Variants in STAU2 observed in about 807,000 individuals in gnomAD.
The protein encoded by STAU2 is double-stranded RNA-binding protein Staufen homolog 2.
A neutral mutation model predicts 65.9 loss-of-function variants in STAU2; 20 were observed. That is an observed-to-expected ratio of 0.30 (90% CI 0.21 to 0.44). The LOEUF is 0.44. Ranked by LOEUF, STAU2 falls within the 20% of genes least tolerant of loss-of-function variation. STAU2 has a pLI of 1.00. For synonymous variants in STAU2, 232 were observed against 233.9 expected (o/e 0.99, Z 0.07); for missense variants, 558 against 683.9 (o/e 0.82, Z 2.05).
intron 13 of STAU2, among the ~76,000 whole-genome samples, chr8:73,514,933 CTTAGCATCTAGTACAGT>C (rs1352759392): frequency 6.6e-6 from 1 of 152,128 alleles, no homozygotes; most frequent in African/African-American, 2.4e-5. Flanking sequence ...GAAGATACTT[CTTAGCATCTAGTACAGT>C]GGTGGACATG....
At chr8:73,561,627 C>T (rs1808239829) in intron 12 of STAU2, 2 of 438,884 alleles carry the variant, frequency 4.6e-6, no homozygotes, top group African/African-American at 4.1e-5. Flanking sequence ...GAAACACATA[C>T]TGAAATGTCT....
At chr8:73,502,828 T>C (rs1821841058) in intron 13 of STAU2, among the ~76,000 whole-genome samples, 1 of 152,096 alleles carries the variant, frequency 6.6e-6, no homozygotes, top group African/African-American at 2.4e-5. Context: ...CCATTTTTTA[T>C]ACACATTTTA....
intron 13 of STAU2, among the ~76,000 whole-genome samples, chr8:73,545,575 T>C (rs539658456): frequency 2.0e-5 from 3 of 151,954 alleles, no homozygotes; most frequent in South Asian, 4.2e-4. Context: ...TGTGTTTACA[T>C]ATAAAATTTT....
At chr8:73,682,889 T>C (rs1174629676) in intron 5 of STAU2, among the ~76,000 whole-genome samples, 1 of 151,930 alleles carries the variant, frequency 6.6e-6, no homozygotes, top group Non-Finnish European at 1.5e-5. Context: ...TTCCTGGAAA[T>C]ATACAACCCT....
intron 13 of STAU2, among the ~76,000 whole-genome samples, chr8:73,431,407 C>G (rs1165550836): frequency 6.6e-6 from 1 of 152,138 alleles, no homozygotes; most frequent in African/African-American, 2.4e-5. Context: ...ATGTAGCTTC[C>G]TTTGAAGGAG....
At chr8:73,569,609 G>A (rs1169980159) in intron 12 of STAU2, among the ~76,000 whole-genome samples, 5 of 151,604 alleles carry the variant, frequency 3.3e-5, no homozygotes, top group Non-Finnish European at 5.9e-5. Context: ...CTGAGACGAC[G>A]CTTCCACAGG....
chr8:73,631,214 G>T (rs1020583365), intron 6 of STAU2, among the ~76,000 whole-genome samples: 2 of 151,974 alleles, frequency 1.3e-5, no homozygotes, highest in African/African-American at 4.8e-5. Flanking sequence ...AATTATCTGG[G>T]CATGGTGGTA....
chr8:73,665,569 G>A (rs945980148), intron 6 of STAU2, among the ~76,000 whole-genome samples: 12 of 152,096 alleles, frequency 7.9e-5, no homozygotes, highest in African/African-American at 1.2e-4. Context: ...AGTTTCATAC[G>A]GTTTAACCTC....
intron 13 of STAU2, among the ~76,000 whole-genome samples, chr8:73,471,870 G>C (rs1397969321): frequency 7.3e-6 from 1 of 136,990 alleles, no homozygotes; most frequent in Non-Finnish European, 1.6e-5. Flanking sequence ...GGAGAAGAAA[G>C]AAATTCACGT....
intron 13 of STAU2, among the ~76,000 whole-genome samples, chr8:73,435,102 CT>C (rs957995387): frequency 9.9e-5 from 15 of 151,972 alleles, no homozygotes; most frequent in South Asian, 6.2e-4. Flanking sequence ...GATGCCCCCC[CT>C]GGACCTTCTG....
At chr8:73,687,536 A>G (rs1819016984) in intron 5 of STAU2, among the ~76,000 whole-genome samples, 1 of 142,364 alleles carries the variant, frequency 7.0e-6, no homozygotes, top group Admixed American at 7.2e-5. Flanking sequence ...TAAACTATAT[A>G]TTTAAAAAGA....
In STAU2 at chr8:73,510,909, C is replaced by T. The variant is rs981924695; in HGVS notation, c.1530+41103G>A. ...GATTTACACAATTGATATTTAGAAG[C>T]TCTTCAAATCTATTTGTAAATTTAA... On this transcript the variant is annotated intron_variant, in intron 13 of 14. Coordinates refer to ENST00000524300, the MANE Select transcript of STAU2 (RefSeq NM_001164380.2). 7.2e-5 allele frequency among the ~76,000 whole-genome samples: 11 copies of T among 152,230 alleles called. No homozygotes were observed. In the South Asian group the frequency reaches 2.3e-3, roughly 32 times the overall value.
At chr8:73,607,512 C>G (rs1812110597) in intron 9 of STAU2, among the ~76,000 whole-genome samples, 1 of 151,782 alleles carries the variant, frequency 6.6e-6, no homozygotes, top group Non-Finnish European at 1.5e-5. Context: ...GGCAGATCAC[C>G]TGAGGTCGGG....
intron 13 of STAU2, chr8:73,439,259 A>T (rs1817944653): frequency 2.9e-6 from 1 of 350,188 alleles, no homozygotes; most frequent in Non-Finnish European, 5.6e-6. Flanking sequence ...ATTGCATGCA[A>T]AAGTCAAGCA....
intron 13 of STAU2, among the ~76,000 whole-genome samples, chr8:73,474,800 C>G (rs1321632384): frequency 6.6e-6 from 1 of 152,178 alleles, no homozygotes; most frequent in African/African-American, 2.4e-5. Flanking sequence ...GGGCCAGTCT[C>G]CTCAATAGAA....
rs1554594408 is a variant in STAU2, at chr8:73,471,817, T to TGAAAAAAA, written c.1531-49116_1531-49115insTTTTTTTC. Among the ~76,000 whole-genome samples the TGAAAAAAA allele has an allele frequency of 5.9e-4, 51 of 86,816 alleles. 1 individual carries two copies. In the East Asian group the frequency reaches 0.015, roughly 25 times the overall value. The allele number at this position is 86,816 out of a possible 152,430, so 57.0% of individuals were successfully genotyped here. A position where few individuals can be genotyped will look rare whatever the true frequency, so the allele number is the denominator to read the frequency against. On this transcript the variant is annotated intron_variant, in intron 13 of 14. Transcript: ENST00000524300. ...TGGGCAACAAGGGCGAGACTCCAAC[T>TGAAAAAAA]AAAAAAAAAAAAAAAAAAAAGAGAG...
chr8:73,425,382 G>A (rs1021677465), intron 13 of STAU2, among the ~76,000 whole-genome samples: 1 of 152,150 alleles, frequency 6.6e-6, no homozygotes, highest in East Asian at 1.9e-4. Flanking sequence ...AGCAGCCAAG[G>A]AACACCAAAG....
At chr8:73,550,440 C>CA (rs1807253178) in intron 13 of STAU2, 3 of 985,506 alleles carry the variant, frequency 3.0e-6, no homozygotes, top group East Asian at 1.1e-4. Context: ...CAGCTCCAAG[C>CA]AAAAAATCAA....
intron 13 of STAU2, chr8:73,439,354 T>C (rs898892080): frequency 5.7e-5 from 16 of 279,464 alleles, no homozygotes; most frequent in Non-Finnish European, 8.4e-5. Context: ...TGGTGGCTCA[T>C]GCCTGTAATC....
Sources: gnomAD v4.1 joint callset for allele counts (sites outside exome capture counted in the v4.1 genomes callset) on GRCh38, gnomAD v4.1.1 for gene constraint, MANE v1.5 for transcripts, NCBI Gene and HGNC (gene_info 2026-07-23, HGNC 2026-07-21) for gene names.